SETBP1: variants seen among roughly 807,000 people sequenced by gnomAD.
SETBP1 encodes the protein SET binding protein 1, also known as SET-binding protein.
SETBP1 carries 9 observed loss-of-function variants against 101.0 expected under a neutral mutation model. The ratio of observed to expected loss-of-function variants is 0.09; its 90% confidence interval spans 0.05 to 0.16. SETBP1 has a LOEUF of 0.16. Among genes scored for constraint, SETBP1 ranks in the 10% least tolerant of loss-of-function variants. SETBP1 has a pLI of 1.00. For synonymous variants in SETBP1, 818 were observed against 788.5 expected, an observed-to-expected ratio of 1.04 and a Z score of -0.63; for missense variants, 1,858 against 2,033.8, an observed-to-expected ratio of 0.91 and a Z score of 1.66.
At chr18:44,781,652 C>T (rs1205427592) in intron 2 of SETBP1, among the ~76,000 whole-genome samples, 1 of 152,146 alleles carries the variant, frequency 6.6e-6, no homozygotes, top group African/African-American at 2.4e-5. Context: ...TGTGTAATCC[C>T]TCATAGATTC....
intron 3 of SETBP1, among the ~76,000 whole-genome samples, chr18:44,894,869 T>C (rs1010936943): frequency 1.3e-5 from 2 of 150,890 alleles, no homozygotes; most frequent in Non-Finnish European, 2.9e-5. Flanking sequence ...CGTGGCTGCT[T>C]TGGGAGGCTG....
At chr18:44,944,813 C>T (rs1240816833) in intron 3 of SETBP1, among the ~76,000 whole-genome samples, 1 of 151,874 alleles carries the variant, frequency 6.6e-6, no homozygotes, top group East Asian at 1.9e-4. Flanking sequence ...TTCTTAGATT[C>T]AAATCACCAT....
intron 3 of SETBP1, among the ~76,000 whole-genome samples, chr18:44,933,655 C>T (rs2070889064): frequency 6.6e-6 from 1 of 152,198 alleles, no homozygotes; most frequent in African/African-American, 2.4e-5. Context: ...CAATGGCAGA[C>T]GCCCCTCCCC....
intron 3 of SETBP1, chr18:44,869,596 A>C (rs1236855916): frequency 2.9e-6 from 1 of 346,060 alleles, no homozygotes; most frequent in Non-Finnish European, 5.6e-6. Flanking sequence ...ATGGCGGCAG[A>C]GGGTGGGTTG....
chr18:44,822,317 G>A (rs950888972), intron 2 of SETBP1, among the ~76,000 whole-genome samples: 1 of 152,188 alleles, frequency 6.6e-6, no homozygotes, highest in African/African-American at 2.4e-5. Context: ...TGGGAAGTTA[G>A]AAGTTTCTGA....
intron 4 of SETBP1, among the ~76,000 whole-genome samples, chr18:44,977,926 A>G (rs984074389): frequency 2.6e-5 from 4 of 152,154 alleles, no homozygotes; most frequent in Non-Finnish European, 4.4e-5. Context: ...CTTCCCCAAC[A>G]GTTTTCATCT....
intron 2 of SETBP1, among the ~76,000 whole-genome samples, chr18:44,773,469 T>C (rs2070919208): frequency 6.6e-6 from 1 of 152,204 alleles, no homozygotes; most frequent in African/African-American, 2.4e-5. Flanking sequence ...TCCAGAGAAC[T>C]GTGGGGTCTG....
rs374767678 is a variant in SETBP1, at chr18:44,925,947, A to G, written c.541-23934A>G. On this transcript the variant is annotated intron_variant, in intron 3 of 5. Transcript: ENST00000649279. Reference sequence around the variant, plus strand: ...TGAGTGAAAAGTAAAAAGCAGATACATTAAATAAAGAGCAAATAAAATTAA... The same window carrying G: ...TGAGTGAAAAGTAAAAAGCAGATACGTTAAATAAAGAGCAAATAAAATTAA... 3.9e-5 allele frequency among the ~76,000 whole-genome samples: 6 copies of G among 152,378 alleles called. No homozygotes were observed. The East Asian group carries it at 9.6e-4, about 24-fold the overall frequency.
chr18:44,870,902 CT>C (rs1360491573), intron 3 of SETBP1: 9 of 152,108 alleles, frequency 5.9e-5, no homozygotes, highest in African/African-American at 2.2e-4. Context: ...TAGATTTAAA[CT>C]AATAGAGCAA....
At chr18:44,833,781 C>T (rs984328504) in intron 2 of SETBP1, among the ~76,000 whole-genome samples, 2 of 152,114 alleles carry the variant, frequency 1.3e-5, no homozygotes, top group Non-Finnish European at 2.9e-5. Flanking sequence ...GCAATTCATG[C>T]AGTAGTTATT....
At chr18:44,779,038 C>T (rs2071068336) in intron 2 of SETBP1, among the ~76,000 whole-genome samples, 2 of 152,188 alleles carry the variant, frequency 1.3e-5, no homozygotes, top group African/African-American at 2.4e-5. Context: ...TGGCCACCGC[C>T]GTGTGTTGAT....
At chr18:45,023,415 T>A (rs2073106885) in intron 4 of SETBP1, among the ~76,000 whole-genome samples, 1 of 152,226 alleles carries the variant, frequency 6.6e-6, no homozygotes, top group Non-Finnish European at 1.5e-5. Flanking sequence ...ACCCAAAGAC[T>A]AGACTGTTTC....
chr18:44,917,898 G>A (rs1376542083), intron 3 of SETBP1, among the ~76,000 whole-genome samples: 2 of 152,022 alleles, frequency 1.3e-5, no homozygotes, highest in Non-Finnish European at 2.9e-5. Flanking sequence ...GAAATAGAAG[G>A]GGAAAGGAAG....
intron 2 of SETBP1, among the ~76,000 whole-genome samples, chr18:44,729,043 C>G (rs1199268431): frequency 6.6e-6 from 1 of 152,160 alleles, no homozygotes; most frequent in East Asian, 1.9e-4. Context: ...CTATTGTTAT[C>G]TTTACCTTAC....
At chr18:44,774,157 T>C (rs1230030989) in intron 2 of SETBP1, among the ~76,000 whole-genome samples, 1 of 152,148 alleles carries the variant, frequency 6.6e-6, no homozygotes, top group Non-Finnish European at 1.5e-5. Flanking sequence ...CCCTGTGACT[T>C]TGAAGATTTT....
chr18:45,004,684 A>C (rs1277339593), intron 4 of SETBP1, among the ~76,000 whole-genome samples: 1 of 152,152 alleles, frequency 6.6e-6, no homozygotes, highest in East Asian at 1.9e-4. Flanking sequence ...CCCCAGGCCC[A>C]GTGTTTCTGG....
intron 3 of SETBP1, among the ~76,000 whole-genome samples, chr18:44,894,719 A>G (rs1382103834): frequency 6.6e-6 from 1 of 152,076 alleles, no homozygotes; most frequent in Non-Finnish European, 1.5e-5. Flanking sequence ...AAGTATGTGT[A>G]GGAATGAGGC....
chr18:44,784,747 A>G (rs959286465), intron 2 of SETBP1, among the ~76,000 whole-genome samples: 2 of 152,226 alleles, frequency 1.3e-5, no homozygotes, highest in African/African-American at 4.8e-5. Flanking sequence ...ACCGAAATAA[A>G]CATCTTATGA....
chr18:45,042,920 C>A (rs1568046776), intron 5 of SETBP1, among the ~76,000 whole-genome samples: 1 of 152,062 alleles, frequency 6.6e-6, no homozygotes, highest in Non-Finnish European at 1.5e-5. Flanking sequence ...AGCTGCAGTC[C>A]CCTGGTGCAG....
Sources: gnomAD v4.1 joint callset for allele counts (sites outside exome capture counted in the v4.1 genomes callset) on GRCh38, gnomAD v4.1.1 for gene constraint, MANE v1.5 for transcripts, NCBI Gene and HGNC (gene_info 2026-07-23, HGNC 2026-07-21) for gene names.